The following LZTR1 variants were observed in gnomAD, a reference collection of about 807,000 sequenced individuals.
The protein encoded by LZTR1 is leucine-zipper-like transcriptional regulator 1.
In LZTR1, 260 loss-of-function variants were observed where a neutral mutation model predicts 105.7. That is an observed-to-expected ratio of 2.46 (90% CI 2.22 to 2.72). The LOEUF (loss-of-function observed/expected upper bound fraction) is 2.72. Ranked by LOEUF, LZTR1 falls within the 30% of genes most tolerant of loss-of-function variation. The pLI is 0.00. For synonymous variants in LZTR1, 490 were observed against 476.4 expected (o/e 1.03, Z -0.37); for missense variants, 1,214 against 1,166.9 (o/e 1.04, Z -0.59).
rs1273118242 is a variant in LZTR1 at position 20,993,882 on chromosome 22, G to A, written c.1354-42G>A. 6.3e-6 allele frequency: 10 copies of A among 1,588,358 alleles called. No individual in the cohort carries two copies. The South Asian group carries it at 6.7e-5, about 11-fold the overall frequency. Reference sequence around the variant, plus strand: ...TGGCTGGGTCTCTGTTCTCTGGGGCGAGGGTCCTGTGCCCTCTGCCAGTGC... The same window carrying A: ...TGGCTGGGTCTCTGTTCTCTGGGGCAAGGGTCCTGTGCCCTCTGCCAGTGC... On this transcript the variant is annotated intron_variant, in intron 12 of 20. Transcript: ENST00000646124.
At position 20,997,344 on chromosome 22, in the gene LZTR1, T is replaced by C; in HGVS notation, c.2519T>C (p.Ile840Thr). The change falls in exon 21 of 21, where the codon ATC (isoleucine) becomes ACC (threonine). Residue 840 changes from isoleucine to threonine, a missense_variant. Physicochemically the swap from Ile to Thr is moderately conservative, Grantham distance 89 (BLOSUM62 -1). Transcript: ENST00000646124. ...DKQCAELGAD[I>T] ...CAGTGCGCAGAGCTGGGCGCCGACATCTGAGGCCCTGTGGCGCCTGCCCAT... is the reference window on the plus strand; with the variant it reads ...CAGTGCGCAGAGCTGGGCGCCGACACCTGAGGCCCTGTGGCGCCTGCCCAT... 1 of 1,609,796 alleles carries C rather than the reference T, an allele frequency of 6.2e-7. No individual in the cohort carries two copies. The highest frequency in any genetic ancestry group is 2.2e-5 in the East Asian group (1 of 44,836).
chr22:20,990,528 G>A lies in LZTR1; in HGVS notation c.791+3G>A, dbSNP rs1206513796. On this transcript the variant is annotated splice_donor_region_variant and intron_variant, in intron 8 of 20. Transcript: ENST00000646124. The stretch of plus-strand genomic sequence containing the variant: ...CAGTTTGAATTCAAGGACAAGACGT[G>A]AGTACTCTGGCCAGTGGGGTGGAGG... 6.2e-7 allele frequency: 1 copy of A among 1,607,198 alleles called. No homozygotes were observed. Among genetic ancestry groups the A allele is most frequent in the Non-Finnish European group, 8.5e-7 (1 of 1,175,966 alleles).
intron 2 of LZTR1, 106 bp from the exon 3 acceptor site, chr22:20,985,735 C>A: frequency 1.9e-6 from 2 of 1,031,814 alleles, no homozygotes; most frequent in South Asian, 1.3e-5. Flanking sequence ...AGTGACCCAG[C>A]CCACAACAGC....
rs531211534 is a variant in LZTR1 at position 20,996,782 on chromosome 22, C to T, written c.2306C>T (p.Thr769Met). ...AAGCAGAACCTGGAGATGAACGTGA[C>T]GGTGCAGAACGTGCTGCAGGTAGCC... ...YCKQNLEMNV[T>M]VQNVLQILEA... The change falls in exon 19 of 21, where the codon ACG becomes ATG. Residue 769 changes from threonine to methionine, a missense_variant. Physicochemically the swap from Thr to Met is moderately conservative, Grantham distance 81. Coordinates refer to ENST00000646124, the MANE Select transcript of LZTR1 (RefSeq NM_006767.4). 63 of 1,613,520 alleles carry T rather than the reference C, an allele frequency of 3.9e-5. No individual in the cohort carries two copies. Among genetic ancestry groups the T allele is most frequent in the African/African-American group, 1.7e-4 (13 of 74,914 alleles).
rs1924943535 is a variant in LZTR1, at chr22:20,998,067, G to A, written c.*719G>A. On this transcript the variant is annotated 3_prime_UTR_variant, in exon 21 of 21. Coordinates refer to ENST00000646124, the MANE Select transcript of LZTR1 (RefSeq NM_006767.4). ...AGCAAAGTCCCCCGTGTCCCTTGCT[G>A]AGTATTCTGTCACAGACAAGCCTCC... 1 of 152,294 alleles carries A rather than the reference G, an allele frequency of 6.6e-6. No homozygotes were observed. Among genetic ancestry groups the A allele is most frequent in the African/African-American group, 2.4e-5 (1 of 41,438 alleles). The allele number at this position is 152,294 out of a possible 1,614,324, so 9.4% of individuals were successfully genotyped here. A position where few individuals can be genotyped will look rare whatever the true frequency, so the allele number is the denominator to read the frequency against.
At chr22:20,995,496 G>T (rs1370214603) in intron 16 of LZTR1, 3 of 680,070 alleles carry the variant, frequency 4.4e-6, no homozygotes, top group East Asian at 2.9e-5. Context: ...TCAGCGAGGG[G>T]GTACAGCAAG....
At position 20,996,872 on chromosome 22, in the gene LZTR1, C is replaced by T. The variant is rs930626138; in HGVS notation, c.2326-14C>T. 3.7e-6 allele frequency: 6 copies of T among 1,612,106 alleles called. No individual in the cohort carries two copies. In the African/African-American group the frequency reaches 4.0e-5, roughly 11 times the overall value. ...GGTGAAAGGGGCAGCGCCTCAAGGT[C>T]CCTGCCATTGCAGATCCTGGAGGCA... On this transcript the variant is annotated splice_polypyrimidine_tract_variant and intron_variant, in intron 19 of 20. Coordinates refer to ENST00000646124, the MANE Select transcript of LZTR1 (RefSeq NM_006767.4).
In LZTR1 at chr22:20,995,780, G is replaced by A. The variant is rs751734655; in HGVS notation, c.1977G>A (p.Leu659=). ...TGATCCAGGACATGAAGGCATACCT[G>A]GAGGGAGCGGGCGCGGAATTCTGTG... The part of the protein sequence containing the change: ...TSLIQDMKAY[L]EGAGAEFCDI... The change falls in exon 17 of 21, where the codon CTG becomes CTA. Residue 659 remains leucine (L), a synonymous_variant. Transcript: ENST00000646124. 5 of 1,613,536 alleles carry A rather than the reference G, an allele frequency of 3.1e-6. No homozygotes were observed. In the Admixed American group the frequency reaches 8.3e-5, roughly 27 times the overall value.
At position 20,992,800 on chromosome 22, in the gene LZTR1, A is replaced by G; in HGVS notation, c.1156A>G (p.Ser386Gly). 6.3e-7 allele frequency: 1 copy of G among 1,589,986 alleles called. No homozygotes were observed. Among genetic ancestry groups the G allele is most frequent in the South Asian group, 1.1e-5 (1 of 87,938 alleles). ...QPTQPASELP[S>G]GRLFHAAAVI... ...CTGCCTTCTTGTCCCCCAGCTGCCCAGTGGGAGGCTCTTCCACGCGGCTGC... is the reference window on the plus strand; with the variant it reads ...CTGCCTTCTTGTCCCCCAGCTGCCCGGTGGGAGGCTCTTCCACGCGGCTGC... Residue 386 changes from serine to glycine, a missense_variant, in exon 11 of 21, where the codon AGT becomes GGT. By Grantham distance (56) the Ser-to-Gly change is moderately conservative. Coordinates refer to ENST00000646124, the MANE Select transcript of LZTR1 (RefSeq NM_006767.4).
rs1359555609 is a variant in LZTR1, at chr22:20,983,038, A to G, written c.212A>G (p.His71Arg). 1 of 1,613,974 alleles carries G rather than the reference A, an allele frequency of 6.2e-7. No homozygotes were observed. Residue 71 changes from histidine to arginine, a missense_variant, in exon 2 of 21, where the codon CAC becomes CGC. Coordinates refer to ENST00000646124, the MANE Select transcript of LZTR1 (RefSeq NM_006767.4). ...TCCTTTCTTTCCAGGCGCAGCAAGCACACAGTGGTGGCCTATAAAGATGCC... is the reference window on the plus strand; with the variant it reads ...TCCTTTCTTTCCAGGCGCAGCAAGCGCACAGTGGTGGCCTATAAAGATGCC... ...DEFVGARRSK[H>R]TVVAYKDAIY...
chr22:20,989,906 A>G (rs1328328513), intron 7 of LZTR1, among the ~76,000 whole-genome samples: 2 of 152,038 alleles, frequency 1.3e-5, no homozygotes, highest in African/African-American at 2.4e-5. Flanking sequence ...GGCCTTCACG[A>G]CCAGTTCCTC....
Position 20,996,927 on chromosome 22 carries a change from G to A in LZTR1, c.2367G>A (p.Lys789=), listed in dbSNP as rs757388757. Reference sequence around the variant, plus strand: ...ACAAAACGCAGGCACTGGACATGAAGCGGCACTGCCTGCACATCATTGTGC... The same window carrying A: ...ACAAAACGCAGGCACTGGACATGAAACGGCACTGCCTGCACATCATTGTGC... ...AADKTQALDM[K]RHCLHIIVHQ... is the part of the protein sequence containing the mutation. The change falls in exon 20 of 21, where the codon AAG becomes AAA. Residue 789 remains lysine (K), a synonymous_variant. Coordinates refer to ENST00000646124, the MANE Select transcript of LZTR1 (RefSeq NM_006767.4). 3 of 1,613,520 alleles carry A rather than the reference G, an allele frequency of 1.9e-6. No homozygotes were observed. The highest frequency in any genetic ancestry group is 1.3e-5 in the African/African-American group (1 of 75,058).
chr22:20,985,987 A>C, intron 3 of LZTR1, 90 bp downstream of exon 3: 50 of 1,353,362 alleles, frequency 3.7e-5, no homozygotes, highest in Non-Finnish European at 5.1e-5. Flanking sequence ...AGTCTCTCTC[A>C]TCATGGGAAG....
chr22:20,996,877 C>G lies in LZTR1; in HGVS notation c.2326-9C>G. 6.2e-7 allele frequency: 1 copy of G among 1,612,094 alleles called. No homozygotes were observed. The highest frequency in any genetic ancestry group is 8.5e-7 in the Non-Finnish European group (1 of 1,178,724). On this transcript the variant is annotated splice_polypyrimidine_tract_variant and intron_variant, in intron 19 of 20. Transcript: ENST00000646124. The stretch of plus-strand genomic sequence containing the variant: ...AAGGGGCAGCGCCTCAAGGTCCCTG[C>G]CATTGCAGATCCTGGAGGCAGCTGA...
rs201016956 is a variant in LZTR1 at position 20,993,742 on chromosome 22, C to A, written c.1341C>A (p.Phe447Leu). ...GCCGCCAGTTCTGCGACGTGGAGTT[C>A]GTGCTGGGTGAGGTGGGTGCCTGTC... ...WESRQFCDVE[F>L]VLGEKEECVQ... Residue 447 changes from phenylalanine to leucine, a missense_variant, in exon 12 of 21, where the codon TTC becomes TTA. Phe to Leu is a conservative substitution (Grantham distance 22). Coordinates refer to ENST00000646124, the MANE Select transcript of LZTR1 (RefSeq NM_006767.4). 1.9e-6 allele frequency: 3 copies of A among 1,612,998 alleles called. No homozygotes were observed. Among genetic ancestry groups the A allele is most frequent in the African/African-American group, 2.7e-5 (2 of 75,058 alleles).
At position 20,993,773 on chromosome 22, in the gene LZTR1, A is replaced by T; in HGVS notation, c.1353+19A>T. 6.2e-7 allele frequency: 1 copy of T among 1,606,292 alleles called. No individual in the cohort carries two copies. The highest frequency in any genetic ancestry group is 8.5e-7 in the Non-Finnish European group (1 of 1,176,002). Reference sequence around the variant, plus strand: ...GGGTGAGGTGGGTGCCTGTCCTCGCACCCTGCTCTGCCTGCTGTGCCTGGG... The same window carrying T: ...GGGTGAGGTGGGTGCCTGTCCTCGCTCCCTGCTCTGCCTGCTGTGCCTGGG... On this transcript the variant is annotated intron_variant, in intron 12 of 20. Transcript: ENST00000646124.
At chr22:20,988,935 C>T (rs1208272889) in intron 6 of LZTR1, 63 bp downstream of exon 6, 2 of 1,463,150 alleles carry the variant, frequency 1.4e-6, no homozygotes, top group African/African-American at 1.4e-5. Flanking sequence ...AGCAGGCCGT[C>T]CTGGCATTTG....
At chr22:20,996,197 G>A in intron 18 of LZTR1, 85 bp downstream of exon 18, 1 of 1,457,936 alleles carries the variant, frequency 6.9e-7, no homozygotes, top group African/African-American at 1.4e-5. Flanking sequence ...CCGCTCTCCT[G>A]CCCCAGCTAG....
In LZTR1 at chr22:20,991,480, C is replaced by T. The variant is rs76440782; in HGVS notation, c.792-148C>T. On this transcript the variant is annotated intron_variant, in intron 8 of 20. Transcript: ENST00000646124. ...GCTGGATGGGGTGAGAGGTGCTCAGCGCAGGTGTCTAGGCCCTCCCTCTGG... is the reference window on the plus strand; with the variant it reads ...GCTGGATGGGGTGAGAGGTGCTCAGTGCAGGTGTCTAGGCCCTCCCTCTGG... The T allele has an allele frequency of 9.7e-3, 6,295 of 646,898 alleles. 283 individuals carry two copies. The African/African-American group carries it at 0.1, about 11-fold the overall frequency. 40.1% of individuals were successfully genotyped at this position (646,898 alleles called of 1,614,324 possible). A position where few individuals can be genotyped will look rare whatever the true frequency, so the allele number is the denominator to read the frequency against.
Sources: allele counts gnomAD v4.1 joint callset (sites outside exome capture counted in the v4.1 genomes callset), GRCh38; gene constraint gnomAD v4.1.1; transcripts MANE v1.5; gene names NCBI Gene and HGNC (gene_info 2026-07-23, HGNC 2026-07-21).